Variants in SMPD4 observed in about 807,000 individuals in gnomAD.
The protein encoded by SMPD4 is sphingomyelin phosphodiesterase 4.
A neutral mutation model predicts 97.8 loss-of-function variants in SMPD4; 58 were observed. The observed-to-expected ratio is 0.59, with a 90% CI of 0.48 to 0.74. The LOEUF (loss-of-function observed/expected upper bound fraction) is 0.74. SMPD4 is among the 30% of genes least tolerant of loss of function. The pLI is 0.00. For missense variants in SMPD4, 853 were observed against 1,080.5 expected (o/e 0.79, Z 2.95); for synonymous variants, 388 against 450.0 (o/e 0.86, Z 1.74).
At chr2:130,159,285 GTGGC>G (rs1431806507) in intron 11 of SMPD4, among the ~76,000 whole-genome samples, 4 of 152,070 alleles carry the variant, frequency 2.6e-5, no homozygotes, top group African/African-American at 9.7e-5. Context: ...ATGAGCCATC[GTGGC>G]TGGCTATTTT....
chr2:130,158,744 G>A (rs1687092899), intron 11 of SMPD4, among the ~76,000 whole-genome samples: 1 of 152,126 alleles, frequency 6.6e-6, no homozygotes, highest in African/African-American at 2.4e-5. Context: ...GCTGAGGGCA[G>A]GACCCTGAGT....
At position 130,173,021 on chromosome 2, in the gene SMPD4, C is replaced by G. The variant is rs1573722662; in HGVS notation, c.346-126G>C. The G allele has an allele frequency of 4.5e-6, 6 of 1,334,584 alleles. No individual in the cohort carries two copies. The East Asian group carries it at 1.5e-4, about 34-fold the overall frequency. The allele number at this position is 1,334,584 out of a possible 1,614,324, so 82.7% of individuals were successfully genotyped here. A position where few individuals can be genotyped will look rare whatever the true frequency, so the allele number is the denominator to read the frequency against. ...GAAGAGACCCACACACAGAACCCAC[C>G]TGTGGGGACAGTGCCCTGCCTCTGA... On this transcript the variant is annotated intron_variant, in intron 5 of 19. Transcript: ENST00000680298.
rs940000069 is a variant in SMPD4 at position 130,151,924 on chromosome 2, T to A, written c.*631A>T. On this transcript the variant is annotated 3_prime_UTR_variant, in exon 20 of 20. Transcript: ENST00000680298. The stretch of plus-strand genomic sequence containing the variant: ...GTGCTCAATGGCTTGGGGTCTGCGG[T>A]GAAGCCCCTGGGCTCTGGGAGGGTC... 9 of 152,804 alleles carry A rather than the reference T, an allele frequency of 5.9e-5. No homozygotes were observed. The highest frequency in any genetic ancestry group is 2.2e-4 in the African/African-American group (9 of 41,450). 9.5% of individuals were successfully genotyped at this position (152,804 alleles called of 1,614,324 possible). A position where few individuals can be genotyped will look rare whatever the true frequency, so the allele number is the denominator to read the frequency against.
At chr2:130,181,677 G>A (rs1689658004), upstream of SMPD4, 6 of 1,550,194 alleles carry the variant, frequency 3.9e-6, no homozygotes, top group Non-Finnish European at 5.2e-6. Flanking sequence ...TACCTCAAAA[G>A]GCGCGTGCGC....
At chr2:130,170,998 T>C (rs1288436158) in intron 8 of SMPD4, among the ~76,000 whole-genome samples, 4 of 150,094 alleles carry the variant, frequency 2.7e-5, no homozygotes, top group African/African-American at 4.9e-5. Flanking sequence ...GAGATGGAGG[T>C]TGCAGTGAGC....
upstream of SMPD4, chr2:130,181,631 C>T (rs765667649): frequency 3.2e-6 from 5 of 1,571,844 alleles, no homozygotes; most frequent in Middle Eastern, 1.7e-4. Flanking sequence ...CGCCCCGCGG[C>T]CGGGCGGGAA....
In SMPD4 at chr2:130,153,753, C is replaced by T. The variant is rs367691085; in HGVS notation, c.1842G>A (p.Lys614=). ...GGGCCTTCTCCAGGTATTCATCTGT[C>T]TTCCGGACACTGTCTTGCCCCATCT... ...LDEMGQDSVR[K]TDEYLEKALE... The change falls in exon 17 of 20, where the codon AAG becomes AAA. Residue 614 remains lysine, a synonymous_variant. Transcript: ENST00000680298. 10 of 1,613,988 alleles carry T rather than the reference C, an allele frequency of 6.2e-6. No homozygotes were observed. Among genetic ancestry groups the T allele is most frequent in the South Asian group, 5.5e-5 (5 of 91,078 alleles).
At chr2:130,173,005 C>T in intron 5 of SMPD4, 110 bp from the exon 6 acceptor site, 1 of 1,445,828 alleles carries the variant, frequency 6.9e-7, no homozygotes, top group East Asian at 2.5e-5. Context: ...GGAAGAGACC[C>T]ACACACAGAA....
At chr2:130,161,106 G>A (rs544243774) in intron 11 of SMPD4, 80 bp downstream of exon 11, 103 of 1,378,420 alleles carry the variant, frequency 7.5e-5, no homozygotes, top group Middle Eastern at 2.6e-4. Context: ...AGTCACCAGC[G>A]GCCGGCCCCG....
intron 10 of SMPD4, among the ~76,000 whole-genome samples, chr2:130,162,990 T>A (rs1255616704): frequency 6.6e-6 from 1 of 152,216 alleles, no homozygotes; most frequent in Admixed American, 6.5e-5. Flanking sequence ...CTGCCCTTCC[T>A]CTGGCCCGTG....
upstream of SMPD4, chr2:130,181,645 C>T: frequency 6.4e-7 from 1 of 1,556,116 alleles, no homozygotes; most frequent in South Asian, 1.2e-5. Context: ...GCGGGAAAAG[C>T]GCTTCCACCT....
rs750572702 is a variant in SMPD4, at chr2:130,156,094, G to A, written c.1230C>T (p.Tyr410=). The change falls in exon 14 of 20, where the codon TAC becomes TAT. Residue 410 remains tyrosine (Y), a synonymous_variant. Transcript: ENST00000680298. Reference sequence around the variant, plus strand: ...TGCCCGGAGCCTGCTTGTCAGGCGCGTACCGCCACGGCTGCAGGTAGCTCA... The same window carrying A: ...TGCCCGGAGCCTGCTTGTCAGGCGCATACCGCCACGGCTGCAGGTAGCTCA... ...MWLSYLQPWR[Y]APDKQAPGSD... 3.7e-6 allele frequency: 6 copies of A among 1,611,060 alleles called. No homozygotes were observed. The highest frequency in any genetic ancestry group is 3.3e-5 in the Admixed American group (2 of 60,000).
intron 16 of SMPD4, 157 bp from the exon 17 acceptor site, chr2:130,154,092 A>C: frequency 9.0e-7 from 1 of 1,106,684 alleles, no homozygotes; most frequent in East Asian, 2.6e-5. Context: ...TACATTTGAA[A>C]TTTCCCAAGA....
Position 130,153,832 on chromosome 2 carries a change from A to C in SMPD4, c.1763T>G (p.Leu588Arg). 6.2e-7 allele frequency: 1 copy of C among 1,614,000 alleles called. No homozygotes were observed. Among genetic ancestry groups the C allele is most frequent in the Non-Finnish European group, 8.5e-7 (1 of 1,179,876 alleles). Reference sequence around the variant, plus strand: ...ATTGGTGTCCATGGAGCTAAAGCCCAGCCATGAGAGGAAGGAGTGGCCAGC... The same window carrying C: ...ATTGGTGTCCATGGAGCTAAAGCCCCGCCATGAGAGGAAGGAGTGGCCAGC... ...SPAGHSFLSWLGFSSMDTNGS... is the reference protein window; with the variant it reads ...SPAGHSFLSWRGFSSMDTNGS... Residue 588 changes from leucine (L) to arginine (R), a missense_variant, in exon 17 of 20, where the codon CTG becomes CGG. Around this residue, in one of 3 missense-constraint regions of SMPD4, gnomAD observed 511 missense variants for 608.1 expected, o/e 0.84. Transcript: ENST00000680298.
intron 9 of SMPD4, among the ~76,000 whole-genome samples, chr2:130,165,098 G>T: frequency 9.8e-6 from 1 of 101,638 alleles, no homozygotes; most frequent in Non-Finnish European, 1.8e-5. Flanking sequence ...AACAAAGACA[G>T]ACTCTGATTT....
chr2:130,161,178 G>A lies in SMPD4; in HGVS notation c.951+8C>T, dbSNP rs751429359. The A allele has an allele frequency of 1.2e-6, 2 of 1,612,378 alleles. No individual in the cohort carries two copies. The highest frequency in any genetic ancestry group is 1.1e-5 in the South Asian group (1 of 91,016). On this transcript the variant is annotated splice_region_variant and intron_variant, in intron 11 of 19. Coordinates refer to ENST00000680298, the MANE Select transcript of SMPD4 (RefSeq NM_017951.5). ...TGGGCAGGAGGAAGGGAACGAATGAGCCAGTACTTGGTAGGCGTGGAGGGC... is the reference window on the plus strand; with the variant it reads ...TGGGCAGGAGGAAGGGAACGAATGAACCAGTACTTGGTAGGCGTGGAGGGC...
chr2:130,155,176 A>G lies in SMPD4; in HGVS notation c.1373T>C (p.Val458Ala). 1 of 1,614,186 alleles carries G rather than the reference A, an allele frequency of 6.2e-7. No homozygotes were observed. Among genetic ancestry groups the G allele is most frequent in the Non-Finnish European group, 8.5e-7 (1 of 1,180,042 alleles). Reference protein sequence around the residue: ...FLNRALRTDLVSPKHALMVFR... With the variant: ...FLNRALRTDLASPKHALMVFR... The stretch of plus-strand genomic sequence containing the variant: ...CACCATGAGCGCGTGCTTGGGGCTG[A>G]CCAGGTCTGTGCGGAGCGCGCGGTT... The change falls in exon 15 of 20, where the codon GTC (valine) becomes GCC (alanine). Residue 458 changes from valine to alanine, a missense_variant. Val to Ala is a moderately conservative substitution (Grantham distance 64, BLOSUM62 0). Transcript: ENST00000680298.
chr2:130,181,647 C>G (rs1689656083), upstream of SMPD4: 1 of 1,553,868 alleles, frequency 6.4e-7, no homozygotes, highest in African/African-American at 1.4e-5. Flanking sequence ...GGGAAAAGCG[C>G]TTCCACCTCT....
intron 9 of SMPD4, among the ~76,000 whole-genome samples, chr2:130,164,894 G>A (rs1687773959): frequency 6.6e-6 from 1 of 151,704 alleles, no homozygotes; most frequent in Non-Finnish European, 1.5e-5. Flanking sequence ...ATTACCTGAG[G>A]CCAGGAGTTC....
Sources: gnomAD v4.1 joint callset for allele counts (sites outside exome capture counted in the v4.1 genomes callset) on GRCh38, gnomAD v4.1.1 for gene constraint, gnomAD v4.1.1 regional missense constraint, MANE v1.5 for transcripts, NCBI Gene and HGNC (gene_info 2026-07-23, HGNC 2026-07-21) for gene names.